Variants in KIAA1328 observed in about 807,000 individuals in gnomAD.
KIAA1328 encodes the protein KIAA1328.
KIAA1328 carries 52 observed loss-of-function variants against 68.1 expected under a neutral mutation model. The observed-to-expected ratio is 0.76, with a 90% CI of 0.61 to 0.96. The LOEUF (loss-of-function observed/expected upper bound fraction) is 0.96. KIAA1328 is among the 40% of genes least tolerant of loss of function. The probability of loss-of-function intolerance (pLI) is 0.00; values close to 1 mark genes in which losing one functional copy is unlikely to be tolerated. For synonymous variants in KIAA1328, 232 were observed against 239.4 expected (o/e 0.97, Z 0.28); for missense variants, 641 against 677.6 (o/e 0.95, Z 0.60).
At chr18:37,049,466 T>C (rs2055606341) in intron 6 of KIAA1328, among the ~76,000 whole-genome samples, 2 of 152,158 alleles carry the variant, frequency 1.3e-5, no homozygotes, top group Non-Finnish European at 2.9e-5. Flanking sequence ...TAAACCAAAC[T>C]AGCTAATAAA....
intron 8 of KIAA1328, among the ~76,000 whole-genome samples, chr18:37,169,714 C>CTT (rs1180524836): frequency 6.6e-6 from 1 of 152,188 alleles, no homozygotes; most frequent in Non-Finnish European, 1.5e-5. Context: ...AACAGTTAAA[C>CTT]TTGGTCTGTG....
intron 7 of KIAA1328, among the ~76,000 whole-genome samples, chr18:37,137,763 C>A (rs2058676471): frequency 6.6e-6 from 1 of 152,084 alleles, no homozygotes; most frequent in Non-Finnish European, 1.5e-5. Flanking sequence ...CTCAATAGAC[C>A]TCTTTCTCTG....
chr18:36,897,938 T>C (rs2048917713), intron 5 of KIAA1328, among the ~76,000 whole-genome samples: 1 of 152,118 alleles, frequency 6.6e-6, no homozygotes, highest in African/African-American at 2.4e-5. Flanking sequence ...GGTAAATCTT[T>C]AGTTAATTAC....
At chr18:36,832,176 A>C (rs879679577) in intron 1 of KIAA1328, among the ~76,000 whole-genome samples, 2 of 152,238 alleles carry the variant, frequency 1.3e-5, no homozygotes, top group African/African-American at 4.8e-5. Flanking sequence ...AAAATACATT[A>C]CAAATTATTA....
intron 6 of KIAA1328, among the ~76,000 whole-genome samples, chr18:36,997,498 C>A (rs928833261): frequency 1.3e-5 from 2 of 152,170 alleles, no homozygotes; most frequent in African/African-American, 4.8e-5. Flanking sequence ...CTCCAAACCT[C>A]TGAAACTAAC....
intron 6 of KIAA1328, among the ~76,000 whole-genome samples, chr18:37,029,355 GTCTGCC>G (rs1226001832): frequency 1.4e-4 from 21 of 151,978 alleles, no homozygotes; most frequent in Non-Finnish European, 2.2e-4. Context: ...TGGTGGCAAT[GTCTGCC>G]TCGTCATTTC....
At chr18:37,138,082 C>T (rs1255909550) in intron 7 of KIAA1328, among the ~76,000 whole-genome samples, 1 of 152,052 alleles carries the variant, frequency 6.6e-6, no homozygotes, top group Non-Finnish European at 1.5e-5. Context: ...GCTCTTAAGC[C>T]TTTTAAATGT....
At chr18:37,228,278 T>G (rs147903171), downstream of KIAA1328, among the ~76,000 whole-genome samples, 691 of 152,302 alleles carry the variant, frequency 4.5e-3, 4 homozygotes, top group African/African-American at 0.016. Flanking sequence ...TTGTATAAAT[T>G]TAATAAAGCA....
chr18:37,214,998 T>C (rs1176928232), intron 9 of KIAA1328, among the ~76,000 whole-genome samples: 1 of 152,246 alleles, frequency 6.6e-6, no homozygotes, highest in Non-Finnish European at 1.5e-5. Context: ...TGCACATTGA[T>C]TTTGTATCCT....
intron 6 of KIAA1328, among the ~76,000 whole-genome samples, chr18:36,963,651 C>T (rs1404642889): frequency 2.6e-5 from 4 of 152,132 alleles, no homozygotes; most frequent in Non-Finnish European, 5.9e-5. Flanking sequence ...TACTGTAAAC[C>T]TCAGTGATGA....
At chr18:37,073,263 C>T (rs2056597202) in intron 7 of KIAA1328, among the ~76,000 whole-genome samples, 1 of 152,106 alleles carries the variant, frequency 6.6e-6, no homozygotes, top group Non-Finnish European at 1.5e-5. Flanking sequence ...GCAATCTACC[C>T]ATCTGAAAAA....
intron 9 of KIAA1328, among the ~76,000 whole-genome samples, chr18:37,182,010 T>G (rs2059707979): frequency 6.6e-6 from 1 of 152,166 alleles, no homozygotes; most frequent in South Asian, 2.1e-4. Flanking sequence ...CTTATTTCCT[T>G]TGTCAACCCA....
At chr18:36,971,848 C>T (rs1466223067) in intron 6 of KIAA1328, among the ~76,000 whole-genome samples, 1 of 151,840 alleles carries the variant, frequency 6.6e-6, no homozygotes. Flanking sequence ...GACACTGAAG[C>T]CTACTAAAAG....
At position 36,898,441 on chromosome 18, in the gene KIAA1328, G is replaced by A. The variant is rs557013265; in HGVS notation, c.448+12769G>A. On this transcript the variant is annotated intron_variant, in intron 5 of 9. Coordinates refer to ENST00000280020, the MANE Select transcript of KIAA1328 (RefSeq NM_020776.3). ...TCTTAGCATCATGTGTTCTGACAAG[G>A]CATAGAAGAGATCTCAAGGAAAATA... Among the ~76,000 whole-genome samples, 14 of 152,014 alleles carry A rather than the reference G, an allele frequency of 9.2e-5. 1 individual carries two copies. In the South Asian group the frequency reaches 2.9e-3, roughly 32 times the overall value.
chr18:36,985,382 A>G (rs1462379475), intron 6 of KIAA1328, among the ~76,000 whole-genome samples: 1 of 152,208 alleles, frequency 6.6e-6, no homozygotes, highest in East Asian at 1.9e-4. Flanking sequence ...TGTAAAATTT[A>G]TATGGAAATG....
intron 6 of KIAA1328, among the ~76,000 whole-genome samples, chr18:37,053,782 T>A (rs1337453862): frequency 6.6e-6 from 1 of 152,020 alleles, no homozygotes; most frequent in Non-Finnish European, 1.5e-5. Flanking sequence ...CATGATCCAG[T>A]CACCTCCCAC....
chr18:37,077,726 C>A (rs2056794231), intron 7 of KIAA1328, among the ~76,000 whole-genome samples: 1 of 135,010 alleles, frequency 7.4e-6, no homozygotes, highest in Admixed American at 7.3e-5. Flanking sequence ...CTCCCATTCA[C>A]AATTGCTTCA....
intron 5 of KIAA1328, chr18:36,885,950 C>T: frequency 2.6e-6 from 1 of 379,338 alleles, no homozygotes; most frequent in Non-Finnish European, 4.6e-6. Flanking sequence ...CTCCTGACCT[C>T]AGGTGATCTG....
chr18:36,992,311 C>T (rs2053210698), intron 6 of KIAA1328, among the ~76,000 whole-genome samples: 1 of 152,008 alleles, frequency 6.6e-6, no homozygotes, highest in Non-Finnish European at 1.5e-5. Context: ...GTCCTTTTCT[C>T]CTCCAAGGCA....
Sources: allele counts gnomAD v4.1 joint callset (sites outside exome capture counted in the v4.1 genomes callset), GRCh38; gene constraint gnomAD v4.1.1; transcripts MANE v1.5; gene names NCBI Gene and HGNC (gene_info 2026-07-23, HGNC 2026-07-21).